The following MEGF11 variants were observed in gnomAD, a reference collection of about 807,000 sequenced individuals.
MEGF11 encodes the protein multiple epidermal growth factor-like domains protein 11.
MEGF11 carries 126 observed loss-of-function variants against 146.6 expected under a neutral mutation model. That is an observed-to-expected ratio of 0.86 (90% CI 0.74 to 1.00). The LOEUF (loss-of-function observed/expected upper bound fraction) is 1.00. MEGF11 is among the 50% of genes least tolerant of loss of function. The probability of loss-of-function intolerance (pLI) is 0.00; values close to 1 mark genes in which losing one functional copy is unlikely to be tolerated. For missense variants in MEGF11, 1,509 were observed against 1,521.2 expected (o/e 0.99, Z 0.13); for synonymous variants, 532 against 583.4 (o/e 0.91, Z 1.27).
intron 5 of MEGF11, among the ~76,000 whole-genome samples, chr15:66,084,953 C>T (rs958296828): frequency 3.9e-5 from 6 of 152,204 alleles, no homozygotes; most frequent in East Asian, 3.9e-4. Context: ...CGGGCTGTTG[C>T]GCGAAGGTGG....
At position 66,188,693 on chromosome 15, in the gene MEGF11, C is replaced by T. The variant is rs969107630; in HGVS notation, c.-8-60282G>A. On this transcript the variant is annotated intron_variant, in intron 1 of 25. Coordinates refer to ENST00000395614, the MANE Select transcript of MEGF11 (RefSeq NM_001385028.1). ...CCAGTATGCAGACTCCTGGCCTTCT[C>T]CTCCCCTCCACCTACTGGCCCTTGT... Among the ~76,000 whole-genome samples, 3 of 152,206 alleles carry T rather than the reference C, an allele frequency of 2.0e-5. No homozygotes were observed. The East Asian group carries it at 5.8e-4, about 29-fold the overall frequency.
intron 5 of MEGF11, among the ~76,000 whole-genome samples, chr15:66,020,476 C>T (rs2083073327): frequency 6.6e-6 from 1 of 152,200 alleles, no homozygotes. Flanking sequence ...TTACAAGAGG[C>T]AACAAATCCC....
intron 5 of MEGF11, among the ~76,000 whole-genome samples, chr15:66,011,169 T>A (rs958209138): frequency 4.6e-5 from 7 of 152,158 alleles, no homozygotes; most frequent in African/African-American, 1.4e-4. Flanking sequence ...AGGACAGATG[T>A]TCTCAGGGAT....
intron 1 of MEGF11, among the ~76,000 whole-genome samples, chr15:66,212,563 A>G (rs570205659): frequency 3.9e-5 from 6 of 152,246 alleles, no homozygotes; most frequent in African/African-American, 1.4e-4. Context: ...TCACTCTGCC[A>G]GGATCCCAGT....
intron 5 of MEGF11, among the ~76,000 whole-genome samples, chr15:66,015,602 G>T (rs2082859661): frequency 6.6e-6 from 1 of 152,122 alleles, no homozygotes; most frequent in Admixed American, 6.5e-5. Flanking sequence ...GGGGTAAGGA[G>T]TCTACTCCCA....
intron 1 of MEGF11, among the ~76,000 whole-genome samples, chr15:66,198,861 G>T (rs1454169745): frequency 6.6e-6 from 1 of 152,116 alleles, no homozygotes; most frequent in African/African-American, 2.4e-5. Flanking sequence ...CCATCCGCCT[G>T]CCATGGCCTT....
chr15:66,117,593 A>T (rs1414499072), intron 4 of MEGF11, among the ~76,000 whole-genome samples: 1 of 152,200 alleles, frequency 6.6e-6, no homozygotes, highest in East Asian at 1.9e-4. Context: ...AATTTCCCTG[A>T]GTCCATCACT....
intron 1 of MEGF11, among the ~76,000 whole-genome samples, chr15:66,222,103 G>A (rs772564507): frequency 6.6e-6 from 1 of 152,084 alleles, no homozygotes. Flanking sequence ...GGACCCACCC[G>A]GTACCACAGC....
At chr15:65,909,896 C>G (rs1472283373) in intron 21 of MEGF11, 90 bp from the exon 22 acceptor site, 1 of 1,162,882 alleles carries the variant, frequency 8.6e-7, no homozygotes, top group South Asian at 1.3e-5. Flanking sequence ...TGCACACACC[C>G]TGTAATAATC....
chr15:65,962,277 G>A (rs1471504942), intron 9 of MEGF11, among the ~76,000 whole-genome samples: 4 of 152,146 alleles, frequency 2.6e-5, no homozygotes, highest in Non-Finnish European at 1.5e-5. Context: ...ACAATCAAGC[G>A]CAGCACGAGA....
chr15:65,920,902 C>T (rs1205631409), intron 15 of MEGF11, among the ~76,000 whole-genome samples: 1 of 152,186 alleles, frequency 6.6e-6, no homozygotes, highest in African/African-American at 2.4e-5. Context: ...AGAGTTACTC[C>T]TCGGGCTGCA....
chr15:66,081,229 G>T (rs182794801), intron 5 of MEGF11, among the ~76,000 whole-genome samples: 2 of 152,198 alleles, frequency 1.3e-5, no homozygotes, highest in Non-Finnish European at 2.9e-5. Context: ...GGCCATGAGC[G>T]GGGTGGCAGG....
At position 66,044,471 on chromosome 15, in the gene MEGF11, C is replaced by T. The variant is rs1029378620; in HGVS notation, c.394+49931G>A. ...TCTATCTCTGATGCCACACACAGGGCCAGCACCCCAGGAGGTGCCCATAAT... is the reference window on the plus strand; with the variant it reads ...TCTATCTCTGATGCCACACACAGGGTCAGCACCCCAGGAGGTGCCCATAAT... On this transcript the variant is annotated intron_variant, in intron 5 of 25. Transcript: ENST00000395614. Among the ~76,000 whole-genome samples the T allele has an allele frequency of 7.2e-5, 11 of 152,208 alleles. No homozygotes were observed. The South Asian group carries it at 2.1e-3, about 29-fold the overall frequency.
chr15:66,014,040 G>A (rs1307889771), intron 5 of MEGF11, among the ~76,000 whole-genome samples: 1 of 152,210 alleles, frequency 6.6e-6, no homozygotes, highest in Non-Finnish European at 1.5e-5. Context: ...TGATTACAAT[G>A]GGTTTGAGTG....
chr15:65,977,866 CCTCT>C (rs1051898988), intron 7 of MEGF11, among the ~76,000 whole-genome samples: 2 of 152,178 alleles, frequency 1.3e-5, no homozygotes, highest in Admixed American at 1.3e-4. Context: ...TTTCCTCCTG[CCTCT>C]CTGTCTCTAG....
At chr15:66,053,873 CAT>C (rs199599173) in intron 5 of MEGF11, among the ~76,000 whole-genome samples, 1,767 of 151,892 alleles carry the variant, frequency 0.012, 34 homozygotes, top group African/African-American at 0.041. Flanking sequence ...GGACTACAGG[CAT>C]GCACCACCAT....
chr15:66,133,649 G>C (rs543795378), intron 1 of MEGF11, among the ~76,000 whole-genome samples: 1 of 152,102 alleles, frequency 6.6e-6, no homozygotes, highest in Admixed American at 6.5e-5. Flanking sequence ...TGATTAGTGC[G>C]AGATGAAAAG....
At chr15:65,938,885 G>T (rs2079880900) in intron 10 of MEGF11, among the ~76,000 whole-genome samples, 1 of 152,196 alleles carries the variant, frequency 6.6e-6, no homozygotes. Context: ...ATTGTTTATT[G>T]AATTTTCTCC....
intron 1 of MEGF11, among the ~76,000 whole-genome samples, chr15:66,245,987 A>G (rs1392735407): frequency 6.6e-6 from 1 of 152,188 alleles, no homozygotes; most frequent in Non-Finnish European, 1.5e-5. Flanking sequence ...GCAGCCAGGC[A>G]TGGTGGCTCA....
Sources: allele counts gnomAD v4.1 joint callset (sites outside exome capture counted in the v4.1 genomes callset), GRCh38; gene constraint gnomAD v4.1.1; transcripts MANE v1.5; gene names NCBI Gene and HGNC (gene_info 2026-07-23, HGNC 2026-07-21).